The following SLC39A9 variants were observed in gnomAD, a reference collection of about 807,000 sequenced individuals.
SLC39A9 encodes solute carrier family 39 member 9.
A neutral mutation model predicts 28.4 loss-of-function variants in SLC39A9; 14 were observed. The ratio of observed to expected loss-of-function variants is 0.49; its 90% CI spans 0.33 to 0.77. The LOEUF is 0.77. SLC39A9 is among the 30% of genes least tolerant of loss of function. The probability of loss-of-function intolerance (pLI) is 0.02; values close to 1 mark genes in which losing one functional copy is unlikely to be tolerated. For synonymous variants in SLC39A9, 119 were observed against 149.6 expected (o/e 0.80, Z 1.49); for missense variants, 283 against 381.1 (o/e 0.74, Z 2.14).
intron 3 of SLC39A9, among the ~76,000 whole-genome samples, chr14:69,444,598 G>T (rs1349123274): frequency 1.3e-5 from 2 of 152,136 alleles, no homozygotes; most frequent in African/African-American, 4.8e-5. Context: ...GAATTTGGCA[G>T]TATCTTACAA....
At chr14:69,458,211 A>G (rs1044627147) in intron 6 of SLC39A9, 152 bp from the exon 7 acceptor site, 4 of 886,598 alleles carry the variant, frequency 4.5e-6, no homozygotes, top group Non-Finnish European at 6.6e-6. Flanking sequence ...GAAGCTTCCC[A>G]TGAATAACTT....
chr14:69,456,114 C>T (rs954378916), intron 6 of SLC39A9, among the ~76,000 whole-genome samples: 5 of 152,146 alleles, frequency 3.3e-5, no homozygotes, highest in Admixed American at 2.0e-4. Context: ...AATATGATAG[C>T]GCTTCAATAT....
At chr14:69,438,544 A>C (rs982200693) in intron 2 of SLC39A9, among the ~76,000 whole-genome samples, 1 of 152,204 alleles carries the variant, frequency 6.6e-6, no homozygotes, top group Non-Finnish European at 1.5e-5. Context: ...CTCTTCTGTA[A>C]TTATAGCTCT....
chr14:69,422,352 T>G (rs1357346711), intron 1 of SLC39A9, among the ~76,000 whole-genome samples: 2 of 152,202 alleles, frequency 1.3e-5, no homozygotes, highest in African/African-American at 4.8e-5. Flanking sequence ...CCTCCCCATA[T>G]CTGGGACAAC....
upstream of SLC39A9, chr14:69,398,558 T>C (rs1882437229): frequency 6.4e-6 from 3 of 466,286 alleles, no homozygotes; most frequent in Non-Finnish European, 7.8e-6. Context: ...GTATAGACAG[T>C]GACATCAGAC....
chr14:69,461,550 T>C lies in SLC39A9; in HGVS notation c.*2957T>C, dbSNP rs1024613148. 2.0e-6 allele frequency: 3 copies of C among 1,474,798 alleles called. No homozygotes were observed. The highest frequency in any genetic ancestry group is 2.7e-6 in the Non-Finnish European group (3 of 1,117,918). 91.4% of individuals were successfully genotyped at this position (1,474,798 alleles called of 1,614,324 possible). ...CAATTCAAAACAGCCAAGTGAGCCC[T>C]GTTCTGGTATTTTGAATCATTAGAG... On this transcript the variant is annotated 3_prime_UTR_variant, in exon 7 of 7. Transcript: ENST00000336643.
intron 2 of SLC39A9, chr14:69,428,851 T>C (rs183926307): frequency 1.3e-5 from 2 of 152,356 alleles, no homozygotes; most frequent in East Asian, 3.9e-4. Flanking sequence ...AGAGTGCCAA[T>C]GAACCATAAC....
chr14:69,459,040 A>G lies in SLC39A9; in HGVS notation c.*447A>G. 1.0e-6 allele frequency: 1 copy of G among 989,900 alleles called. No homozygotes were observed. Among genetic ancestry groups the G allele is most frequent in the South Asian group, 4.6e-5 (1 of 21,566 alleles). The allele number at this position is 989,900 out of a possible 1,614,324, so 61.3% of individuals were successfully genotyped here. Reference sequence around the variant, plus strand: ...TTTAACATGGTTCCCACCATGTAAGACTGGTGCTTTAGCATCTATGCCACA... The same window carrying G: ...TTTAACATGGTTCCCACCATGTAAGGCTGGTGCTTTAGCATCTATGCCACA... On this transcript the variant is annotated 3_prime_UTR_variant, in exon 7 of 7. Coordinates refer to ENST00000336643, the MANE Select transcript of SLC39A9 (RefSeq NM_018375.5).
chr14:69,422,227 AAAC>A (rs1305485232), intron 1 of SLC39A9, among the ~76,000 whole-genome samples: 1 of 152,204 alleles, frequency 6.6e-6, no homozygotes, highest in Admixed American at 6.5e-5. Flanking sequence ...ACTTTTTCAT[AAAC>A]AACATATATA....
intron 1 of SLC39A9, among the ~76,000 whole-genome samples, chr14:69,407,342 T>G (rs1882992006): frequency 6.8e-6 from 1 of 147,454 alleles, no homozygotes; most frequent in Admixed American, 6.8e-5. Flanking sequence ...CTTCCTTCCT[T>G]TCTTCTTTCC....
chr14:69,454,038 G>A (rs551806574), intron 4 of SLC39A9, among the ~76,000 whole-genome samples: 3 of 152,320 alleles, frequency 2.0e-5, no homozygotes, highest in Admixed American at 2.0e-4. Context: ...GAAGTGGTAT[G>A]CAGTGGAATG....
intron 1 of SLC39A9, among the ~76,000 whole-genome samples, chr14:69,405,270 A>G (rs1404973251): frequency 1.3e-5 from 2 of 152,246 alleles, no homozygotes; most frequent in Non-Finnish European, 2.9e-5. Flanking sequence ...AGTTACCCGC[A>G]AATCAAAGGT....
intron 1 of SLC39A9, among the ~76,000 whole-genome samples, chr14:69,409,296 A>G (rs1332885038): frequency 6.6e-6 from 1 of 152,164 alleles, no homozygotes; most frequent in Non-Finnish European, 1.5e-5. Flanking sequence ...GTAGTATATC[A>G]TAAGCATTTT....
rs913548075 is a variant in SLC39A9 at position 69,460,222 on chromosome 14, G to A, written c.*1629G>A. ...AGTTTGTAAAAACGTTTTCTATGAC[G>A]CATAAGCTAGCATGCCTATGATTTA... On this transcript the variant is annotated 3_prime_UTR_variant, in exon 7 of 7. Coordinates refer to ENST00000336643, the MANE Select transcript of SLC39A9 (RefSeq NM_018375.5). The A allele has an allele frequency of 9.1e-6, 9 of 985,428 alleles. No individual in the cohort carries two copies. The highest frequency in any genetic ancestry group is 1.2e-4 in the Admixed American group (2 of 16,272). The allele number at this position is 985,428 out of a possible 1,614,324, so 61.0% of individuals were successfully genotyped here.
At chr14:69,452,714 G>A (rs940711720) in intron 3 of SLC39A9, among the ~76,000 whole-genome samples, 1 of 152,158 alleles carries the variant, frequency 6.6e-6, no homozygotes, top group Admixed American at 6.5e-5. Flanking sequence ...GGAACCTGAT[G>A]CTAATTTAGG....
At chr14:69,421,839 C>T (rs561407278) in intron 1 of SLC39A9, among the ~76,000 whole-genome samples, 1 of 152,092 alleles carries the variant, frequency 6.6e-6, no homozygotes, top group Non-Finnish European at 1.5e-5. Context: ...CCTGGTGTGC[C>T]GTTTGTTAAG....
At chr14:69,415,805 T>A (rs1883542946) in intron 1 of SLC39A9, among the ~76,000 whole-genome samples, 1 of 152,192 alleles carries the variant, frequency 6.6e-6, no homozygotes, top group Non-Finnish European at 1.5e-5. Flanking sequence ...TAAAAAAAAC[T>A]ATTTTCCCAT....
At chr14:69,428,274 CAAAAA>C (rs780805663) in intron 2 of SLC39A9, among the ~76,000 whole-genome samples, 1 of 82,120 alleles carries the variant, frequency 1.2e-5, no homozygotes, top group East Asian at 4.3e-4. Context: ...GACTCTGTCT[CAAAAA>C]AAAAAAAAAA....
chr14:69,411,084 T>G (rs1883235652), intron 1 of SLC39A9, among the ~76,000 whole-genome samples: 3 of 151,986 alleles, frequency 2.0e-5, no homozygotes, highest in Admixed American at 1.3e-4. Flanking sequence ...TGATGGCACA[T>G]GCCTGTAATC....
Sources: allele counts gnomAD v4.1 joint callset (sites outside exome capture counted in the v4.1 genomes callset), GRCh38; gene constraint gnomAD v4.1.1; transcripts MANE v1.5; gene names NCBI Gene and HGNC (gene_info 2026-07-23, HGNC 2026-07-21).